DGKE: variants seen among roughly 807,000 people sequenced by gnomAD.
DGKE encodes the protein diacylglycerol kinase epsilon.
DGKE carries 53 observed loss-of-function variants against 70.0 expected under a neutral mutation model. The observed-to-expected ratio is 0.76, with a 90% CI of 0.61 to 0.95. DGKE has a LOEUF of 0.95. Ranked by LOEUF, DGKE falls within the 40% of genes least tolerant of loss-of-function variation. The pLI is 0.00. For synonymous variants in DGKE, 291 were observed against 257.0 expected (o/e 1.13, Z -1.27); for missense variants, 655 against 706.9 (o/e 0.93, Z 0.83).
At chr17:56,850,424 T>C (rs1480956116) in intron 7 of DGKE, among the ~76,000 whole-genome samples, 1 of 152,180 alleles carries the variant, frequency 6.6e-6, no homozygotes, top group Non-Finnish European at 1.5e-5. Flanking sequence ...TGAGTCACTG[T>C]GCCCAGCCAT....
intron 7 of DGKE, 108 bp downstream of exon 7, chr17:56,849,340 G>A (rs776851045): frequency 2.5e-5 from 25 of 996,016 alleles, no homozygotes; most frequent in Non-Finnish European, 3.6e-5. Flanking sequence ...GGAGCTGGCT[G>A]TGGAGCAGAA....
intron 2 of DGKE, among the ~76,000 whole-genome samples, chr17:56,839,634 T>C (rs991159730): frequency 6.6e-6 from 1 of 152,182 alleles, no homozygotes; most frequent in Non-Finnish European, 1.5e-5. Context: ...TCCTCCCACC[T>C]CAGCCTTCCA....
At chr17:56,852,412 C>CAA (rs11422991) in intron 7 of DGKE, among the ~76,000 whole-genome samples, 1,616 of 141,722 alleles carry the variant, frequency 0.011, 23 homozygotes, top group Admixed American at 0.059. Context: ...GACTCTGTCT[C>CAA]AAAAAAAAAA....
In DGKE at chr17:56,849,117, C is replaced by T. The variant is rs1907491871; in HGVS notation, c.1047-64C>T. The T allele has an allele frequency of 7.4e-6, 11 of 1,479,546 alleles. No individual in the cohort carries two copies. In the South Asian group the frequency reaches 1.3e-4, roughly 17 times the overall value. 91.7% of individuals were successfully genotyped at this position (1,479,546 alleles called of 1,614,324 possible). ...ATTTTAATAGAAAACCCTCATTTAT[C>T]CAAACATCCAGAGTATGGGGTTTAT... On this transcript the variant is annotated intron_variant, in intron 6 of 11. Transcript: ENST00000284061.
rs1908338205 is a variant in DGKE at position 56,862,266 on chromosome 17, G to C, written c.1524+15G>C. The C allele has an allele frequency of 6.3e-7, 1 of 1,592,778 alleles. No homozygotes were observed. Among genetic ancestry groups the C allele is most frequent in the Non-Finnish European group, 8.6e-7 (1 of 1,161,298 alleles). ...ATACAGTGAGGGTAGGTGAAATATA[G>C]CTGTAACAGGCTAATTTGTCCCAAT... is the stretch of plus-strand genomic sequence containing the variant. On this transcript the variant is annotated intron_variant, in intron 11 of 11. Coordinates refer to ENST00000284061, the MANE Select transcript of DGKE (RefSeq NM_003647.3).
chr17:56,858,793 C>A, intron 9 of DGKE, 128 bp downstream of exon 9: 2 of 630,468 alleles, frequency 3.2e-6, no homozygotes, highest in Non-Finnish European at 2.6e-6. Context: ...TATTTGTGTG[C>A]CAGGCACTTT....
intron 7 of DGKE, among the ~76,000 whole-genome samples, chr17:56,853,889 A>T (rs1477862563): frequency 1.3e-5 from 2 of 152,134 alleles, no homozygotes; most frequent in African/African-American, 4.8e-5. Flanking sequence ...TATGTACAAT[A>T]GCCAAGATGC....
rs1363083383 is a variant in DGKE, at chr17:56,868,821, A to C, written c.*6030A>C. ...CACATACTTTTAGACAGAAAGAATA[A>C]AAAATTCATATTGCATGGCTTTTGT... is the stretch of plus-strand genomic sequence containing the variant. On this transcript the variant is annotated 3_prime_UTR_variant, in exon 12 of 12. Coordinates refer to ENST00000284061, the MANE Select transcript of DGKE (RefSeq NM_003647.3). 1.3e-5 allele frequency: 2 copies of C among 152,188 alleles called. No individual in the cohort carries two copies. Among genetic ancestry groups the C allele is most frequent in the Non-Finnish European group, 2.9e-5 (2 of 68,034 alleles). 9.4% of individuals were successfully genotyped at this position (152,188 alleles called of 1,614,324 possible).
intron 4 of DGKE, 122 bp downstream of exon 4, chr17:56,845,931 A>G (rs2064435683): frequency 1.8e-6 from 2 of 1,102,340 alleles, no homozygotes; most frequent in Non-Finnish European, 2.4e-6. Context: ...CAAAAAGATC[A>G]GCCATTTAAA....
intron 1 of DGKE, 144 bp from the exon 2 acceptor site, chr17:56,834,634 G>A: frequency 1.3e-6 from 1 of 785,244 alleles, no homozygotes; most frequent in Non-Finnish European, 2.1e-6. Flanking sequence ...GGTCCCGGGA[G>A]ACGGGGGGAC....
At chr17:56,844,253 C>T in intron 3 of DGKE, 75 bp downstream of exon 3, 3 of 1,004,670 alleles carry the variant, frequency 3.0e-6, no homozygotes, top group Non-Finnish European at 4.1e-6. Flanking sequence ...ATAGTTAAGA[C>T]AGTATGTAAG....
intron 1 of DGKE, 71 bp from the exon 2 acceptor site, chr17:56,834,707 C>G: frequency 4.2e-6 from 6 of 1,436,704 alleles, no homozygotes; most frequent in Non-Finnish European, 4.7e-6. Flanking sequence ...GGTTTGGCCC[C>G]GGAAAGGCAG....
Position 56,862,691 on chromosome 17 carries a change from C to T in DGKE, c.1604C>T (p.Thr535Ile). 6.2e-7 allele frequency: 1 copy of T among 1,611,276 alleles called. No homozygotes were observed. Among genetic ancestry groups the T allele is most frequent in the Non-Finnish European group, 8.5e-7 (1 of 1,179,208 alleles). Residue 535 changes from threonine to isoleucine, a missense_variant, in exon 12 of 12, where the codon ACT (threonine) becomes ATT (isoleucine). By Grantham distance (89) the Thr-to-Ile change is moderately conservative. Transcript: ENST00000284061. ...CAAGGGCCCTGCACTGTCACCATAA[C>T]TCACAAGACACATGCAATGATGTTA... Reference protein sequence around the residue: ...WAQGPCTVTITHKTHAMMLYF... With the variant: ...WAQGPCTVTIIHKTHAMMLYF...
intron 7 of DGKE, among the ~76,000 whole-genome samples, chr17:56,853,578 C>A (rs1831045543): frequency 6.6e-6 from 1 of 152,114 alleles, no homozygotes; most frequent in Non-Finnish European, 1.5e-5. Context: ...ATTGTATGTT[C>A]TTGGCACCTT....
chr17:56,859,666 ACT>A (rs1443241878), intron 9 of DGKE, among the ~76,000 whole-genome samples: 7 of 151,982 alleles, frequency 4.6e-5, no homozygotes, highest in Admixed American at 1.3e-4. Context: ...GATCTGCCCG[ACT>A]CAGCCTCCCA....
rs1908629784 is a variant in DGKE at position 56,868,660 on chromosome 17, A to G, written c.*5869A>G. The G allele has an allele frequency of 6.6e-6, 1 of 152,250 alleles. No individual in the cohort carries two copies. The highest frequency in any genetic ancestry group is 2.4e-5 in the African/African-American group (1 of 41,472). The allele number at this position is 152,250 out of a possible 1,614,324, so 9.4% of individuals were successfully genotyped here. A position where few individuals can be genotyped will look rare whatever the true frequency, so the allele number is the denominator to read the frequency against. The stretch of plus-strand genomic sequence containing the variant: ...ACTTGCTTCTTTTTTAATAAAATTA[A>G]AAGTGCAGCACGTAAGTATGATACT... On this transcript the variant is annotated 3_prime_UTR_variant, in exon 12 of 12. Transcript: ENST00000284061.
intron 7 of DGKE, 128 bp downstream of exon 7, chr17:56,849,360 A>G (rs982219291): frequency 6.3e-5 from 48 of 758,220 alleles, no homozygotes; most frequent in Non-Finnish European, 9.5e-5. Context: ...ACAGAAGCTT[A>G]TATGCTTACC....
intron 9 of DGKE, among the ~76,000 whole-genome samples, chr17:56,861,089 T>C (rs1908262367): frequency 6.6e-6 from 1 of 152,144 alleles, no homozygotes; most frequent in Non-Finnish European, 1.5e-5. Context: ...GAAGAAATGG[T>C]GAAGAGAGAG....
intron 7 of DGKE, among the ~76,000 whole-genome samples, chr17:56,852,682 T>C (rs1907727147): frequency 6.6e-6 from 1 of 152,190 alleles, no homozygotes; most frequent in South Asian, 2.1e-4. Context: ...TGCTTAAAAG[T>C]ATTTGTCAGT....
Sources: gnomAD v4.1 joint callset for allele counts (sites outside exome capture counted in the v4.1 genomes callset) on GRCh38, gnomAD v4.1.1 for gene constraint, MANE v1.5 for transcripts, NCBI Gene and HGNC (gene_info 2026-07-23, HGNC 2026-07-21) for gene names.